Variants in TMEM175 observed in about 807,000 individuals in gnomAD.
The protein encoded by TMEM175 is endosomal/lysosomal proton channel TMEM175.
TMEM175 carries 36 observed loss-of-function variants against 36.5 expected under a neutral mutation model. The ratio of observed to expected loss-of-function variants is 0.99; its 90% confidence interval spans 0.76 to 1.30. The LOEUF is 1.30. Ranked by LOEUF, TMEM175 falls within the 50% of genes most tolerant of loss-of-function variation. TMEM175 has a pLI of 0.00. For synonymous variants in TMEM175, 339 were observed against 313.4 expected (o/e 1.08, Z -0.86); for missense variants, 705 against 692.8 (o/e 1.02, Z -0.20).
At chr4:940,455 A>G (rs564331092) in intron 1 of TMEM175, among the ~76,000 whole-genome samples, 50 of 151,768 alleles carry the variant, frequency 3.3e-4, no homozygotes, top group African/African-American at 1.2e-3. Context: ...TCTCAAAAAA[A>G]AAAAAAAAAA....
chr4:951,921 A>G, intron 6 of TMEM175: 3 of 619,906 alleles, frequency 4.8e-6, no homozygotes, highest in Non-Finnish European at 8.5e-6. Flanking sequence ...GGCCCCGATG[A>G]GGGAGTCACC....
Position 951,340 on chromosome 4 carries a change from G to T in TMEM175, c.342+82G>T, listed in dbSNP as rs2153002611. 36 of 1,511,852 alleles carry T rather than the reference G, an allele frequency of 2.4e-5. 1 individual carries two copies. The South Asian group carries it at 3.9e-4, about 17-fold the overall frequency. 93.7% of individuals were successfully genotyped at this position (1,511,852 alleles called of 1,614,324 possible). A position where few individuals can be genotyped will look rare whatever the true frequency, so the allele number is the denominator to read the frequency against. Reference sequence around the variant, plus strand: ...AGGGAAGAGGGGAAGGGAGCAGCCGGCCTCTCTCGTGACCTCCAGGGAGTC... The same window carrying T: ...AGGGAAGAGGGGAAGGGAGCAGCCGTCCTCTCTCGTGACCTCCAGGGAGTC... On this transcript the variant is annotated intron_variant, in intron 5 of 10. Transcript: ENST00000264771.
chr4:955,945 C>A, intron 10 of TMEM175, 55 bp downstream of exon 10: 1 of 1,587,532 alleles, frequency 6.3e-7, no homozygotes. Context: ...TGTCTTGAGT[C>A]CCTGGCGTCT....
At chr4:935,638 C>T (rs543975699) in intron 1 of TMEM175, among the ~76,000 whole-genome samples, 46 of 152,244 alleles carry the variant, frequency 3.0e-4, no homozygotes, top group Admixed American at 4.6e-4. Flanking sequence ...AGGATATAGG[C>T]GACTTGAACA....
rs1410203430 is a variant in TMEM175 at position 958,542 on chromosome 4, G to A, written c.*46G>A. On this transcript the variant is annotated 3_prime_UTR_variant, in exon 11 of 11. Coordinates refer to ENST00000264771, the MANE Select transcript of TMEM175 (RefSeq NM_032326.4). ...AGCCGTCCTCACCAGAGATGGACCA[G>A]GGAGGACAGGATGCTGGGCAGGGGA... The A allele has an allele frequency of 7.0e-7, 1 of 1,424,950 alleles. No homozygotes were observed. The highest frequency in any genetic ancestry group is 1.4e-5 in the South Asian group (1 of 69,068). The allele number at this position is 1,424,950 out of a possible 1,614,324, so 88.3% of individuals were successfully genotyped here. A position where few individuals can be genotyped will look rare whatever the true frequency, so the allele number is the denominator to read the frequency against.
chr4:948,287 G>C (rs1363164181), intron 3 of TMEM175, 133 bp downstream of exon 3: 1 of 1,577,760 alleles, frequency 6.3e-7, no homozygotes, highest in South Asian at 1.1e-5. Context: ...GGCGGGAGGC[G>C]GGGGCCTCCT....
Position 953,238 on chromosome 4 carries a change from C to T in TMEM175, c.511C>T (p.Gln171Ter). 4 of 1,613,696 alleles carry T rather than the reference C, an allele frequency of 2.5e-6. No homozygotes were observed. The highest frequency in any genetic ancestry group is 2.5e-6 in the Non-Finnish European group (3 of 1,179,784). ...CCACTTCCCGCACCTGCTGAGCCCGCAGATCCAGCGCTCTGCCCACAGGGC... is the reference window on the plus strand; with the variant it reads ...CCACTTCCCGCACCTGCTGAGCCCGTAGATCCAGCGCTCTGCCCACAGGGC... ...AFHFPHLLSP[Q>*]IQRSAHRALY... The change falls in exon 8 of 11, where the codon CAG (glutamine) becomes TAG (stop). Residue 171 changes from glutamine to a stop codon, truncating the protein, a stop_gained. Transcript: ENST00000264771. LOFTEE classifies it high-confidence loss of function.
Position 958,243 on chromosome 4 carries a change from C to A in TMEM175, c.1262C>A (p.Ala421Asp). ...FGGREHVLMFAKLALYPCASL... is the reference protein window; with the variant it reads ...FGGREHVLMFDKLALYPCASL... ...GGCCGGGAGCATGTGCTCATGTTCGCCAAGCTGGCGCTGTACCCCTGTGCC... is the reference window on the plus strand; with the variant it reads ...GGCCGGGAGCATGTGCTCATGTTCGACAAGCTGGCGCTGTACCCCTGTGCC... The change falls in exon 11 of 11, where the codon GCC becomes GAC. Residue 421 changes from alanine (A) to aspartate (D), a missense_variant. Transcript: ENST00000264771. The A allele has an allele frequency of 6.2e-7, 1 of 1,604,588 alleles. No homozygotes were observed. The highest frequency in any genetic ancestry group is 8.5e-7 in the Non-Finnish European group (1 of 1,177,868).
chr4:946,949 C>CG (rs1239490886), intron 1 of TMEM175, among the ~76,000 whole-genome samples: 1 of 135,616 alleles, frequency 7.4e-6, no homozygotes, highest in Non-Finnish European at 1.6e-5. Flanking sequence ...AGGGAGAGCA[C>CG]GGCCCCTGTA....
intron 4 of TMEM175, 34 bp downstream of exon 4, chr4:950,552 T>C (rs1374364148): frequency 6.5e-7 from 1 of 1,535,450 alleles, no homozygotes; most frequent in Non-Finnish European, 9.0e-7. Flanking sequence ...GGTCCATAGC[T>C]GCTCTCAAGG....
chr4:933,635 C>T (rs1726388442), intron 1 of TMEM175, among the ~76,000 whole-genome samples: 1 of 152,124 alleles, frequency 6.6e-6, no homozygotes, highest in African/African-American at 2.4e-5. Context: ...CAGTCATTTG[C>T]CTGACCAGAT....
rs1219640087 is a variant in TMEM175 at position 953,441 on chromosome 4, T to TG, written c.627+92dup. 16 of 1,465,628 alleles carry TG rather than the reference T, an allele frequency of 1.1e-5. No homozygotes were observed. In the African/African-American group the frequency reaches 1.6e-4, roughly 14 times the overall value. 90.8% of individuals were successfully genotyped at this position (1,465,628 alleles called of 1,614,324 possible). A position where few individuals can be genotyped will look rare whatever the true frequency, so the allele number is the denominator to read the frequency against. ...CCCCGCTGAGCAACAAACACGGGGGTGGGGGCAGAGCGCAGACAGGCAGGG... is the reference window on the plus strand; with the variant it reads ...CCCCGCTGAGCAACAAACACGGGGGTGGGGGGCAGAGCGCAGACAGGCAGGG... On this transcript the variant is annotated intron_variant, in intron 8 of 10. Transcript: ENST00000264771.
At chr4:945,177 A>AGC (rs1727982916) in intron 1 of TMEM175, among the ~76,000 whole-genome samples, 1 of 72,790 alleles carries the variant, frequency 1.4e-5, no homozygotes, top group South Asian at 3.6e-4. Flanking sequence ...TCCCAGTGAG[A>AGC]CTGCCTGGAA....
chr4:951,334 C>G (rs942797117), intron 5 of TMEM175, 76 bp downstream of exon 5: 2 of 1,536,764 alleles, frequency 1.3e-6, no homozygotes, highest in Non-Finnish European at 1.8e-6. Context: ...GGGAAGGGAG[C>G]AGCCGGCCTC....
rs376278319 is a variant in TMEM175 at position 958,376 on chromosome 4, C to T, written c.1395C>T (p.Leu465=). ...VPCAFLLLRL[L]VGLALATLRV... ...GCGCCTTCCTGTTGCTGCGCCTGCTCGTGGGCCTGGCCCTGGCCACCCTGC... is the reference window on the plus strand; with the variant it reads ...GCGCCTTCCTGTTGCTGCGCCTGCTTGTGGGCCTGGCCCTGGCCACCCTGC... The change falls in exon 11 of 11, where the codon CTC becomes CTT. Residue 465 remains leucine, a synonymous_variant. Coordinates refer to ENST00000264771, the MANE Select transcript of TMEM175 (RefSeq NM_032326.4). 2.3e-5 allele frequency: 37 copies of T among 1,602,540 alleles called. No individual in the cohort carries two copies. In the East Asian group the frequency reaches 3.3e-4, roughly 14 times the overall value.
Position 951,272 on chromosome 4 carries a change from G to A in TMEM175, c.342+14G>A, listed in dbSNP as rs146777141. 5.2e-4 allele frequency: 839 copies of A among 1,613,994 alleles called. 4 individuals carry two copies. The African/African-American group carries it at 6.5e-3, about 12-fold the overall frequency. On this transcript the variant is annotated intron_variant, in intron 5 of 10. Coordinates refer to ENST00000264771, the MANE Select transcript of TMEM175 (RefSeq NM_032326.4). ...CTGCTCAACCTGGTGAGTATTTTCC[G>A]GTCCTTTTCTGGGGAGTGACTCTGG...
chr4:950,597 A>C, intron 4 of TMEM175, 79 bp downstream of exon 4: 1 of 1,125,378 alleles, frequency 8.9e-7, no homozygotes, highest in Admixed American at 1.8e-5. Flanking sequence ...GCACGGGTCC[A>C]TGGGGTCGGG....
chr4:941,187 C>G (rs913101666), intron 1 of TMEM175, among the ~76,000 whole-genome samples: 1 of 150,544 alleles, frequency 6.6e-6, no homozygotes, highest in Non-Finnish European at 1.5e-5. Context: ...ACCATCCTGG[C>G]CAACATGGTG....
chr4:955,837 C>G lies in TMEM175; in HGVS notation c.789C>G (p.Ala263=), dbSNP rs34322727. The change falls in exon 10 of 11, where the codon GCC becomes GCG. Residue 263 remains alanine (A), a synonymous_variant. Transcript: ENST00000264771. ...HEPLSKERVE[A]FSDGVYAIVA... is the part of the protein sequence containing the mutation. Reference sequence around the variant, plus strand: ...CACTCAGCAAGGAGCGCGTGGAAGCCTTCAGCGACGGAGTCTACGCCATCG... The same window carrying G: ...CACTCAGCAAGGAGCGCGTGGAAGCGTTCAGCGACGGAGTCTACGCCATCG... 6.8e-6 allele frequency: 11 copies of G among 1,614,092 alleles called. No individual in the cohort carries two copies. In the Admixed American group the frequency reaches 8.3e-5, roughly 12 times the overall value.
Sources: allele counts gnomAD v4.1 joint callset (sites outside exome capture counted in the v4.1 genomes callset), GRCh38; gene constraint gnomAD v4.1.1; transcripts MANE v1.5; gene names NCBI Gene and HGNC (gene_info 2026-07-23, HGNC 2026-07-21).